MAP3K20: variants seen among roughly 807,000 people sequenced by gnomAD.
MAP3K20 encodes the protein HCCS-4.
Under a neutral mutation model 85.7 loss-of-function variants are expected in MAP3K20, and 40 were observed. That is an observed-to-expected ratio of 0.47 (90% CI 0.36 to 0.61). MAP3K20 has a LOEUF of 0.61. Ranked by LOEUF, MAP3K20 falls within the 20% of genes least tolerant of loss-of-function variation. The pLI is 0.00. For missense variants in MAP3K20, 817 were observed against 961.7 expected (o/e 0.85, Z 1.99); for synonymous variants, 325 against 327.7 (o/e 0.99, Z 0.09).
intron 2 of MAP3K20, among the ~76,000 whole-genome samples, chr2:173,101,696 A>G (rs1183010103): frequency 6.6e-6 from 1 of 152,238 alleles, no homozygotes; most frequent in African/African-American, 2.4e-5. Context: ...GCCCGTAAGT[A>G]TTTCAGATAG....
chr2:173,158,197 T>G (rs1002114274), intron 2 of MAP3K20, among the ~76,000 whole-genome samples: 3 of 152,170 alleles, frequency 2.0e-5, no homozygotes, highest in Non-Finnish European at 4.4e-5. Flanking sequence ...TACAGGAAGT[T>G]TTTGGCCTAG....
At chr2:173,081,104 A>T (rs1163770785) in intron 1 of MAP3K20, among the ~76,000 whole-genome samples, 2 of 152,228 alleles carry the variant, frequency 1.3e-5, no homozygotes, top group African/African-American at 2.4e-5. Flanking sequence ...TTAAAAATTT[A>T]TGTGGATTTT....
chr2:173,140,584 A>G (rs1350530710), intron 2 of MAP3K20, among the ~76,000 whole-genome samples: 2 of 150,858 alleles, frequency 1.3e-5, no homozygotes, highest in African/African-American at 2.4e-5. Flanking sequence ...TCCCAACCTC[A>G]GGTGATCCAC....
chr2:173,137,622 A>G (rs1270153679), intron 2 of MAP3K20, among the ~76,000 whole-genome samples: 1 of 151,828 alleles, frequency 6.6e-6, no homozygotes, highest in African/African-American at 2.4e-5. Context: ...TTTCCTGTGA[A>G]TAGGTATGTT....
At chr2:173,222,408 ACAG>A in intron 11 of MAP3K20, 1 of 985,870 alleles carries the variant, frequency 1.0e-6, no homozygotes, top group South Asian at 4.7e-5. Flanking sequence ...TTTGAAACCA[ACAG>A]CAGATGTTGC....
chr2:173,085,587 A>G (rs1204425849), intron 1 of MAP3K20, among the ~76,000 whole-genome samples: 1 of 152,108 alleles, frequency 6.6e-6, no homozygotes, highest in Non-Finnish European at 1.5e-5. Context: ...TTGATTTTCA[A>G]CATTTACAGA....
chr2:173,213,889 A>C (rs1473111451), intron 10 of MAP3K20, among the ~76,000 whole-genome samples: 3 of 152,222 alleles, frequency 2.0e-5, no homozygotes, highest in Non-Finnish European at 4.4e-5. Context: ...TTTATCAGAT[A>C]ATCTCAACAT....
chr2:173,137,669 T>A (rs752663528), intron 2 of MAP3K20, among the ~76,000 whole-genome samples: 1 of 152,174 alleles, frequency 6.6e-6, no homozygotes, highest in Non-Finnish European at 1.5e-5. Context: ...CTTTTGAGAA[T>A]CTGTGTGTCC....
chr2:173,117,513 C>T (rs112404623), intron 2 of MAP3K20, among the ~76,000 whole-genome samples: 2,070 of 152,234 alleles, frequency 0.014, 26 homozygotes, highest in South Asian at 0.035. Flanking sequence ...CTCCTGGGCT[C>T]GACTGATCTT....
chr2:173,225,992 A>G (rs1331600421), intron 11 of MAP3K20: 1 of 985,240 alleles, frequency 1.0e-6, no homozygotes, highest in Non-Finnish European at 1.2e-6. Context: ...CTCATTTTTG[A>G]AAGCAAAATT....
chr2:173,239,634 AT>A, intron 16 of MAP3K20, 138 bp downstream of exon 16: 1 of 772,898 alleles, frequency 1.3e-6, no homozygotes, highest in Non-Finnish European at 2.0e-6. Flanking sequence ...ATAAAATAGA[AT>A]TTAGCTGAAA....
rs557652659 is a variant in MAP3K20 at position 173,078,162 on chromosome 2, AGAGAG to A, written c.-35+2166_-35+2170del. 1.4e-4 allele frequency among the ~76,000 whole-genome samples: 21 copies of A among 152,332 alleles called. 1 individual carries two copies. The highest frequency in any genetic ancestry group is 3.8e-4 in the African/African-American group (16 of 41,580). The stretch of plus-strand genomic sequence containing the variant: ...TATTTTAGAAAGTGGTAGATTCAGA[AGAGAG>A]GAGAGAATCAGTGGTTTTTTTGTTT... On this transcript the variant is annotated intron_variant, in intron 1 of 19. Transcript: ENST00000375213.
intron 2 of MAP3K20, among the ~76,000 whole-genome samples, chr2:173,121,303 C>G (rs1688279308): frequency 6.6e-6 from 1 of 152,160 alleles, no homozygotes; most frequent in Non-Finnish European, 1.5e-5. Flanking sequence ...GGAAGCAAAG[C>G]AGTATGGAAA....
intron 2 of MAP3K20, among the ~76,000 whole-genome samples, chr2:173,149,010 G>A (rs1408748242): frequency 6.6e-6 from 1 of 152,118 alleles, no homozygotes; most frequent in East Asian, 1.9e-4. Flanking sequence ...TAAAATCTGT[G>A]GTCATAGAAG....
chr2:173,219,018 A>G (rs1490503591), intron 11 of MAP3K20, among the ~76,000 whole-genome samples: 1 of 152,158 alleles, frequency 6.6e-6, no homozygotes, highest in Non-Finnish European at 1.5e-5. Flanking sequence ...TATGGGAGAT[A>G]AGTTTTCTTT....
chr2:173,174,982 A>T (rs1690111932), intron 3 of MAP3K20, among the ~76,000 whole-genome samples: 1 of 152,206 alleles, frequency 6.6e-6, no homozygotes, highest in African/African-American at 2.4e-5. Flanking sequence ...ACAGCTTTTC[A>T]AAGTGATCTT....
intron 12 of MAP3K20, 43 bp downstream of exon 12, chr2:173,229,776 T>G (rs1293140566): frequency 1.2e-6 from 2 of 1,609,232 alleles, no homozygotes; most frequent in South Asian, 2.2e-5. Flanking sequence ...TGAGCAGGTA[T>G]TTCATAAATT....
At chr2:173,154,512 C>T (rs965105556) in intron 2 of MAP3K20, among the ~76,000 whole-genome samples, 3 of 152,160 alleles carry the variant, frequency 2.0e-5, no homozygotes, top group African/African-American at 7.2e-5. Flanking sequence ...CTAGTTGACA[C>T]TGTCCATTAC....
intron 4 of MAP3K20, among the ~76,000 whole-genome samples, chr2:173,187,056 G>C (rs1355127374): frequency 2.0e-5 from 3 of 152,030 alleles, no homozygotes; most frequent in Admixed American, 2.0e-4. Context: ...CCACTCCCAG[G>C]TCTTGTTGGA....
Sources: gnomAD v4.1 joint callset for allele counts (sites outside exome capture counted in the v4.1 genomes callset) on GRCh38, gnomAD v4.1.1 for gene constraint, MANE v1.5 for transcripts, NCBI Gene and HGNC (gene_info 2026-07-23, HGNC 2026-07-21) for gene names.